The following OR6N1 variants were observed in gnomAD, a reference collection of about 807,000 sequenced individuals.
The protein encoded by OR6N1 is olfactory receptor family 6 subfamily N member 1.
For synonymous variants in OR6N1, 170 were observed against 150.7 expected, an observed-to-expected ratio of 1.13 and a Z score of -0.94; for missense variants, 394 against 371.7, an observed-to-expected ratio of 1.06 and a Z score of -0.49.
At chr1:158,788,021 C>G in the OR6N1 span, among the ~76,000 whole-genome samples, 1 of 152,142 alleles carries the variant, frequency 6.6e-6, no homozygotes, top group African/African-American at 2.4e-5. Flanking sequence ...AATGCTAAGC[C>G]TCCTTTTGAA....
the OR6N1 span, among the ~76,000 whole-genome samples, chr1:158,821,434 G>A: frequency 1.3e-5 from 2 of 152,152 alleles, no homozygotes; most frequent in African/African-American, 2.4e-5. Flanking sequence ...ATATAGAGTA[G>A]TTTCGCTGCC....
the OR6N1 span, among the ~76,000 whole-genome samples, chr1:158,823,612 T>C: frequency 6.6e-6 from 1 of 152,230 alleles, no homozygotes; most frequent in Middle Eastern, 3.4e-3. Flanking sequence ...TTTTTCTTTA[T>C]TGATCTAGCT....
chr1:158,766,828 TTG>T, intron 1 of OR6N1, 128 bp from the exon 2 acceptor site: 1 of 620,968 alleles, frequency 1.6e-6, no homozygotes, highest in Non-Finnish European at 2.8e-6. Flanking sequence ...AGTAAATGCT[TTG>T]AGAGGTCAAC....
the OR6N1 span, among the ~76,000 whole-genome samples, chr1:158,832,349 C>G: frequency 6.6e-6 from 1 of 151,748 alleles, no homozygotes; most frequent in African/African-American, 2.4e-5. Flanking sequence ...CTTAAGTAAG[C>G]TTGTTAATTA....
chr1:158,766,108 G>T lies in OR6N1; in HGVS notation c.575C>A (p.Thr192Lys). The change falls in exon 2 of 2, where the codon ACG becomes AAG. Residue 192 changes from threonine to lysine, a missense_variant. Coordinates refer to ENST00000641846, the MANE Select transcript of OR6N1 (RefSeq NM_001005185.2). ...PPVLSLACTD[T>K]SINVLVDFVI... is the part of the protein sequence containing the mutation. ...AAAATCTACTAGGACATTTATAGACGTATCAGTGCAAGCCAAACTCAGCAC... is the reference window on the plus strand; with the variant it reads ...AAAATCTACTAGGACATTTATAGACTTATCAGTGCAAGCCAAACTCAGCAC... 6.2e-7 allele frequency: 1 copy of T among 1,614,122 alleles called. No homozygotes were observed. Among genetic ancestry groups the T allele is most frequent in the Non-Finnish European group, 8.5e-7 (1 of 1,179,988 alleles).
At chr1:158,796,829 AT>A in the OR6N1 span, among the ~76,000 whole-genome samples, 1 of 146,984 alleles carries the variant, frequency 6.8e-6, no homozygotes, top group Non-Finnish European at 1.5e-5. Context: ...TATCTGATAT[AT>A]TTTTGTTTTT....
At chr1:158,795,177 G>C in the OR6N1 span, among the ~76,000 whole-genome samples, 1 of 152,094 alleles carries the variant, frequency 6.6e-6, no homozygotes, top group Non-Finnish European at 1.5e-5. Flanking sequence ...CAGGCAGGGG[G>C]GTGTAGTAAG....
intron 1 of OR6N1, among the ~76,000 whole-genome samples, chr1:158,768,400 AT>A (rs1364330454): frequency 1.3e-5 from 2 of 152,102 alleles, no homozygotes; most frequent in Non-Finnish European, 2.9e-5. Context: ...GGCAATTGCA[AT>A]CTTTCAACTG....
chr1:158,820,249 C>T, the OR6N1 span, among the ~76,000 whole-genome samples: 541 of 152,290 alleles, frequency 3.6e-3, 5 homozygotes, highest in Non-Finnish European at 6.1e-3. Context: ...AACCTTCCAG[C>T]GTGGGCGTCA....
At chr1:158,804,796 C>T in the OR6N1 span, among the ~76,000 whole-genome samples, 2 of 151,868 alleles carry the variant, frequency 1.3e-5, no homozygotes, top group Admixed American at 6.6e-5. Flanking sequence ...CACAATAATT[C>T]ATTTATCTAT....
At chr1:158,825,299 CATG>C in the OR6N1 span, among the ~76,000 whole-genome samples, 1 of 151,928 alleles carries the variant, frequency 6.6e-6, no homozygotes, top group Non-Finnish European at 1.5e-5. Flanking sequence ...ATTAGCCAGG[CATG>C]GTGGTGGGCG....
At chr1:158,785,032 G>A in the OR6N1 span, among the ~76,000 whole-genome samples, 1 of 152,094 alleles carries the variant, frequency 6.6e-6, no homozygotes, top group Non-Finnish European at 1.5e-5. Context: ...AGCTTTTTGA[G>A]GGCAGAGGCC....
chr1:158,792,484 C>A, the OR6N1 span, among the ~76,000 whole-genome samples: 7 of 152,174 alleles, frequency 4.6e-5, no homozygotes, highest in African/African-American at 1.7e-4. Context: ...ATTTTATAAG[C>A]CCTTTAGGAG....
chr1:158,837,819 G>T, the OR6N1 span, among the ~76,000 whole-genome samples: 1 of 148,430 alleles, frequency 6.7e-6, no homozygotes, highest in African/African-American at 2.5e-5. Context: ...ACTTCTTTTT[G>T]TTGATTTTTT....
chr1:158,791,259 A>C, the OR6N1 span, among the ~76,000 whole-genome samples: 1 of 152,142 alleles, frequency 6.6e-6, no homozygotes, highest in East Asian at 1.9e-4. Context: ...CGCTTTTAGC[A>C]CTGTGTTTGC....
At chr1:158,822,429 A>G in the OR6N1 span, among the ~76,000 whole-genome samples, 1 of 152,006 alleles carries the variant, frequency 6.6e-6, no homozygotes, top group Non-Finnish European at 1.5e-5. Context: ...TCCCTGGTTC[A>G]CTGTATTTCT....
chr1:158,776,905 T>C (rs1657612761), upstream of OR6N1: 2 of 1,613,974 alleles, frequency 1.2e-6, no homozygotes, highest in Non-Finnish European at 1.7e-6. Flanking sequence ...CACAGCAAGA[T>C]GTGAGGCACA....
the OR6N1 span, among the ~76,000 whole-genome samples, chr1:158,811,935 A>T: frequency 6.6e-6 from 1 of 152,180 alleles, no homozygotes; most frequent in Non-Finnish European, 1.5e-5. Flanking sequence ...TGAGTAAAAA[A>T]CTATCCAGGT....
chr1:158,778,197 A>G, the OR6N1 span, among the ~76,000 whole-genome samples: 1 of 152,234 alleles, frequency 6.6e-6, no homozygotes, highest in East Asian at 1.9e-4. Context: ...GTCAGGCAGA[A>G]AGAACACAAA....
Sources: allele counts gnomAD v4.1 joint callset (sites outside exome capture counted in the v4.1 genomes callset), GRCh38; gene constraint gnomAD v4.1.1; transcripts MANE v1.5; gene names NCBI Gene and HGNC (gene_info 2026-07-23, HGNC 2026-07-21).